The following SSH2 variants were observed in gnomAD, a reference collection of about 807,000 sequenced individuals.
SSH2 encodes slingshot protein phosphatase 2.
In SSH2, 37 loss-of-function variants were observed where a neutral mutation model predicts 135.2. That is an observed-to-expected ratio of 0.27 (90% CI 0.21 to 0.36). The LOEUF is 0.36. Ranked by LOEUF, SSH2 falls within the 10% of genes least tolerant of loss-of-function variation. The pLI, the probability that SSH2 is intolerant of heterozygous loss-of-function variation, is 1.00. For synonymous variants in SSH2, 628 were observed against 646.2 expected, an observed-to-expected ratio of 0.97 and a Z score of 0.43; for missense variants, 1,408 against 1,765.3, an observed-to-expected ratio of 0.80 and a Z score of 3.63.
chr17:29,684,797 G>T, intron 5 of SSH2, 113 bp from the exon 6 acceptor site: 1 of 887,502 alleles, frequency 1.1e-6, no homozygotes, highest in Non-Finnish European at 1.6e-6. Flanking sequence ...AGCAGAGCCA[G>T]TAGTTAGGAG....
At chr17:29,796,835 A>C (rs1332498721) in intron 2 of SSH2, among the ~76,000 whole-genome samples, 1 of 148,934 alleles carries the variant, frequency 6.7e-6, no homozygotes, top group Non-Finnish European at 1.5e-5. Context: ...TAGAGATAAG[A>C]TCTTGCTCTG....
intron 1 of SSH2, among the ~76,000 whole-genome samples, chr17:29,892,042 CT>C (rs1019053055): frequency 6.1e-5 from 9 of 148,616 alleles, no homozygotes; most frequent in Admixed American, 2.7e-4. Flanking sequence ...AGCCGACTTT[CT>C]TTTTTTTTTC....
At chr17:29,895,060 T>C (rs2066420087) in intron 1 of SSH2, among the ~76,000 whole-genome samples, 1 of 151,270 alleles carries the variant, frequency 6.6e-6, no homozygotes, top group Non-Finnish European at 1.5e-5. Context: ...CCACATAAAA[T>C]CACATGTATT....
intron 3 of SSH2, among the ~76,000 whole-genome samples, chr17:29,711,551 G>A (rs559349888): frequency 6.6e-6 from 1 of 152,222 alleles, no homozygotes; most frequent in South Asian, 2.1e-4. Context: ...TTACAGATGG[G>A]GCACATCTGC....
At chr17:29,667,320 T>A in intron 9 of SSH2, 97 bp from the exon 10 acceptor site, 1 of 959,964 alleles carries the variant, frequency 1.0e-6, no homozygotes, top group South Asian at 1.7e-5. Flanking sequence ...TCTTCTTCAA[T>A]AAGGCAAATC....
intron 7 of SSH2, among the ~76,000 whole-genome samples, chr17:29,677,374 T>C (rs1183999296): frequency 2.6e-5 from 4 of 152,106 alleles, no homozygotes; most frequent in Admixed American, 2.6e-4. Context: ...AAACAGAACA[T>C]ATCATCCTTT....
chr17:29,765,601 A>G (rs936085629), intron 3 of SSH2, among the ~76,000 whole-genome samples: 1 of 152,206 alleles, frequency 6.6e-6, no homozygotes, highest in Non-Finnish European at 1.5e-5. Context: ...GAAAGTGGCA[A>G]TGATGCTGAT....
At position 29,752,009 on chromosome 17, in the gene SSH2, G is replaced by C. The variant is rs185296948; in HGVS notation, c.188+41885C>G. 2.2e-3 allele frequency among the ~76,000 whole-genome samples: 330 copies of C among 152,266 alleles called. 2 individuals carry two copies. Among genetic ancestry groups the C allele is most frequent in the South Asian group, 9.9e-3 (48 of 4,830 alleles). ...TGAATATACCTAATAAGAAATGTGT[G>C]ATTACCATATAAGGAAAACTGTACA... is the stretch of plus-strand genomic sequence containing the variant. On this transcript the variant is annotated intron_variant, in intron 3 of 15. Coordinates refer to ENST00000540801, the MANE Select transcript of SSH2 (RefSeq NM_001282129.2).
At chr17:29,777,151 G>T (rs1332153893) in intron 3 of SSH2, among the ~76,000 whole-genome samples, 2 of 151,632 alleles carry the variant, frequency 1.3e-5, no homozygotes, top group Non-Finnish European at 2.9e-5. Flanking sequence ...GATGGAGGTT[G>T]CAGTGAGCCA....
chr17:29,635,439 C>G (rs1440549922), intron 15 of SSH2, among the ~76,000 whole-genome samples: 3 of 151,844 alleles, frequency 2.0e-5, no homozygotes, highest in Non-Finnish European at 4.4e-5. Context: ...GAGTCTTGCT[C>G]TGTCGCCCAG....
intron 1 of SSH2, among the ~76,000 whole-genome samples, chr17:29,852,779 T>G (rs2065587552): frequency 6.6e-6 from 1 of 151,854 alleles, no homozygotes; most frequent in Non-Finnish European, 1.5e-5. Context: ...CTCTATCTCC[T>G]CACCTCGTGA....
intron 3 of SSH2, among the ~76,000 whole-genome samples, chr17:29,744,960 T>C (rs2040709997): frequency 6.6e-6 from 1 of 151,950 alleles, no homozygotes; most frequent in South Asian, 2.1e-4. Context: ...TGTTCTTGTG[T>C]TGCCTGTGGG....
At chr17:29,909,665 T>C (rs2066729061) in intron 1 of SSH2, among the ~76,000 whole-genome samples, 1 of 152,180 alleles carries the variant, frequency 6.6e-6, no homozygotes, top group Non-Finnish European at 1.5e-5. Flanking sequence ...TCTTAGGAAT[T>C]CCCAAATATA....
chr17:29,910,983 A>G (rs1325254990), intron 1 of SSH2, among the ~76,000 whole-genome samples: 3 of 152,108 alleles, frequency 2.0e-5, no homozygotes, highest in African/African-American at 7.2e-5. Flanking sequence ...GGCCATATTC[A>G]TGTCTTAAAA....
intron 3 of SSH2, among the ~76,000 whole-genome samples, chr17:29,745,477 T>C (rs772152331): frequency 3.3e-5 from 5 of 152,082 alleles, no homozygotes; most frequent in Admixed American, 6.5e-5. Context: ...TACCCTTCTG[T>C]TCTCTGAATT....
At chr17:29,914,321 G>A (rs1237996410) in intron 1 of SSH2, among the ~76,000 whole-genome samples, 1 of 151,942 alleles carries the variant, frequency 6.6e-6, no homozygotes, top group Non-Finnish European at 1.5e-5. Flanking sequence ...AACACTTTGG[G>A]AGTACAAGGC....
At chr17:29,705,587 C>T (rs2039165333) in intron 3 of SSH2, among the ~76,000 whole-genome samples, 1 of 152,164 alleles carries the variant, frequency 6.6e-6, no homozygotes, top group Non-Finnish European at 1.5e-5. Context: ...CTGCTTAAAA[C>T]CCTCCAAATG....
At chr17:29,685,134 T>C (rs1348041856) in intron 5 of SSH2, among the ~76,000 whole-genome samples, 1 of 152,248 alleles carries the variant, frequency 6.6e-6, no homozygotes, top group Non-Finnish European at 1.5e-5. Flanking sequence ...AGGGGAGTAC[T>C]GACTTTGCTA....
At chr17:29,695,404 G>C (rs932828194) in intron 5 of SSH2, 55 bp downstream of exon 5, 5 of 1,380,778 alleles carry the variant, frequency 3.6e-6, no homozygotes, top group Non-Finnish European at 5.1e-6. Flanking sequence ...GTTCAATTTT[G>C]GCTATCTTAG....
Sources: gnomAD v4.1 joint callset for allele counts (sites outside exome capture counted in the v4.1 genomes callset) on GRCh38, gnomAD v4.1.1 for gene constraint, MANE v1.5 for transcripts, NCBI Gene and HGNC (gene_info 2026-07-23, HGNC 2026-07-21) for gene names.